Variants in NRXN3 observed in about 807,000 individuals in gnomAD.
NRXN3 encodes the protein neurexin 3.
In NRXN3, 32 loss-of-function variants were observed where a neutral mutation model predicts 137.6. The ratio of observed to expected loss-of-function variants is 0.23; its 90% CI spans 0.18 to 0.31. NRXN3 has a LOEUF of 0.31. Ranked by LOEUF, NRXN3 falls within the 10% of genes least tolerant of loss-of-function variation. The probability of loss-of-function intolerance (pLI) is 1.00; values close to 1 mark genes in which losing one functional copy is unlikely to be tolerated. For missense variants in NRXN3, 1,574 were observed against 2,062.5 expected (o/e 0.76, Z 4.59); for synonymous variants, 798 against 784.5 (o/e 1.02, Z -0.29).
In NRXN3 at chr14:78,243,644, C is replaced by T. The variant is rs372463110; in HGVS notation, c.551C>T (p.Ser184Leu). 1.9e-5 allele frequency: 30 copies of T among 1,598,312 alleles called. No individual in the cohort carries two copies. The highest frequency in any genetic ancestry group is 2.2e-5 in the East Asian group (1 of 44,874). ...GLILDLKYGN[S>L]EPRLLGSRGV... ...ATTCTGGATCTCAAGTATGGAAACT[C>T]GGAGCCTCGGCTTCTGGGGAGCCGG... Residue 184 changes from serine (S) to leucine (L), a missense_variant, in exon 2 of 21, where the codon TCG becomes TTG. By Grantham distance (145) the Ser-to-Leu change is moderately radical. Around this residue, in one of 5 missense-constraint regions of NRXN3, gnomAD observed 400 missense variants for 527.3 expected, o/e 0.76. Transcript: ENST00000335750. The surrounding 1 kb of genome is among the most constrained non-coding windows in gnomAD (Gnocchi z 4.2).
chr14:78,722,367 A>G (rs563359517), intron 8 of NRXN3, among the ~76,000 whole-genome samples: 145 of 152,192 alleles, frequency 9.5e-4, no homozygotes, highest in Non-Finnish European at 1.2e-3. Flanking sequence ...TGTGTGCTCA[A>G]AGCAGCTTAA....
In NRXN3 at chr14:78,213,254, T is replaced by C. The variant is rs554305691; in HGVS notation, c.-703-29137T>C. On this transcript the variant is annotated intron_variant, in intron 1 of 20. Transcript: ENST00000335750. ...AGGTTAGTGGGGATCATCTTAGTCCTCTTAGGAAGACTGATCTGAGATGGG... is the reference window on the plus strand; with the variant it reads ...AGGTTAGTGGGGATCATCTTAGTCCCCTTAGGAAGACTGATCTGAGATGGG... 9.0e-5 allele frequency among the ~76,000 whole-genome samples: 13 copies of C among 144,586 alleles called. No individual in the cohort carries two copies. In the Admixed American group the frequency reaches 9.1e-4, roughly 10 times the overall value. The allele number at this position is 144,586 out of a possible 152,430, so 94.9% of individuals were successfully genotyped here.
chr14:79,591,391 T>C (rs530729546), intron 16 of NRXN3, among the ~76,000 whole-genome samples: 1 of 152,354 alleles, frequency 6.6e-6, no homozygotes, highest in Non-Finnish European at 1.5e-5. Context: ...GTTAGGATTT[T>C]AAAAATTGTT....
intron 10 of NRXN3, among the ~76,000 whole-genome samples, chr14:78,845,628 G>A (rs2099024452): frequency 6.6e-6 from 1 of 151,880 alleles, no homozygotes; most frequent in African/African-American, 2.4e-5. Flanking sequence ...TGATGTGTAG[G>A]TGACAATTAG....
chr14:79,186,264 G>A (rs1454933138), intron 15 of NRXN3, among the ~76,000 whole-genome samples: 1 of 151,952 alleles, frequency 6.6e-6, no homozygotes, highest in East Asian at 1.9e-4. Context: ...AAAAAAAGGT[G>A]TTTCTTACTT....
chr14:78,935,390 T>C (rs1468838479), intron 10 of NRXN3, among the ~76,000 whole-genome samples: 2 of 152,182 alleles, frequency 1.3e-5, no homozygotes, highest in African/African-American at 2.4e-5. Context: ...TCCCTTGGTA[T>C]CTCCAGGGGA....
intron 19 of NRXN3, among the ~76,000 whole-genome samples, chr14:79,754,493 ACTCTCT>A (rs1272424692): frequency 1.0e-5 from 1 of 95,842 alleles, no homozygotes; most frequent in African/African-American, 3.7e-5. Context: ...ACTCACTCTC[ACTCTCT>A]CTTGATATAT....
intron 15 of NRXN3, among the ~76,000 whole-genome samples, chr14:79,244,403 A>G (rs893653607): frequency 6.6e-6 from 1 of 152,072 alleles, no homozygotes; most frequent in Admixed American, 6.6e-5. Context: ...TCTATCATTA[A>G]CCTGCCACAG....
intron 4 of NRXN3, among the ~76,000 whole-genome samples, chr14:78,567,276 G>A (rs1442412433): frequency 6.6e-6 from 1 of 152,216 alleles, no homozygotes; most frequent in African/African-American, 2.4e-5. Context: ...GCCCATTAAT[G>A]GGCAAGAGTA....
At chr14:78,381,390 G>A (rs931679427) in intron 4 of NRXN3, among the ~76,000 whole-genome samples, 9 of 152,042 alleles carry the variant, frequency 5.9e-5, no homozygotes, top group Admixed American at 2.0e-4. Context: ...ATCCAGCAAA[G>A]GATTATTATC....
At chr14:78,206,724 C>T (rs1007241907) in intron 1 of NRXN3, among the ~76,000 whole-genome samples, 3 of 152,188 alleles carry the variant, frequency 2.0e-5, no homozygotes, top group Middle Eastern at 3.4e-3. Context: ...TTCATGGTCC[C>T]GTTTCATAAC....
intron 4 of NRXN3, among the ~76,000 whole-genome samples, chr14:78,521,157 TG>T (rs2096278448): frequency 6.6e-6 from 1 of 152,198 alleles, no homozygotes; most frequent in Non-Finnish European, 1.5e-5. Flanking sequence ...TCTGTCTGTC[TG>T]TCTCTCTCTC....
At chr14:78,176,444 A>G (rs1201339246) in intron 1 of NRXN3, among the ~76,000 whole-genome samples, 1 of 150,232 alleles carries the variant, frequency 6.7e-6, no homozygotes, top group Non-Finnish European at 1.5e-5. Flanking sequence ...AATGCAGTAT[A>G]CTATTATTAC....
intron 4 of NRXN3, among the ~76,000 whole-genome samples, chr14:78,441,748 G>A (rs2094257228): frequency 1.3e-5 from 2 of 152,158 alleles, no homozygotes; most frequent in South Asian, 4.1e-4. Context: ...TGAGAAGATG[G>A]AGAGATCATC....
At chr14:79,490,448 T>A (rs941977252) in intron 16 of NRXN3, among the ~76,000 whole-genome samples, 2 of 151,986 alleles carry the variant, frequency 1.3e-5, no homozygotes, top group African/African-American at 2.4e-5. Context: ...ATAGAAAAAA[T>A]GTGGTACATA....
chr14:78,793,223 TC>T (rs1483732825), intron 8 of NRXN3, among the ~76,000 whole-genome samples: 8 of 151,224 alleles, frequency 5.3e-5, no homozygotes, highest in Non-Finnish European at 1.0e-4. Flanking sequence ...GAATCTATAC[TC>T]CCCCCAAAAA....
intron 2 of NRXN3, among the ~76,000 whole-genome samples, chr14:78,254,406 G>A (rs1449991138): frequency 1.3e-5 from 2 of 152,112 alleles, no homozygotes; most frequent in East Asian, 3.9e-4. Flanking sequence ...GGGGGCTGGG[G>A]ACGGTGGCTC....
chr14:79,006,749 G>A lies in NRXN3; in HGVS notation c.3262+18608G>A, dbSNP rs113996355. 6.2e-3 allele frequency among the ~76,000 whole-genome samples: 947 copies of A among 152,188 alleles called. 9 individuals carry two copies. The highest frequency in any genetic ancestry group is 0.022 in the African/African-American group (895 of 41,516). ...TATCATATTTATTCTATGATTTCCAGTGGAATGAACTGTTATGGTCTCCCT... is the reference window on the plus strand; with the variant it reads ...TATCATATTTATTCTATGATTTCCAATGGAATGAACTGTTATGGTCTCCCT... On this transcript the variant is annotated intron_variant, in intron 15 of 20. Transcript: ENST00000335750.
chr14:79,342,043 C>T (rs1260137774), intron 15 of NRXN3, among the ~76,000 whole-genome samples: 1 of 152,224 alleles, frequency 6.6e-6, no homozygotes, highest in Non-Finnish European at 1.5e-5. Flanking sequence ...AATGCATACT[C>T]TCACTTAAGC....
Sources: gnomAD v4.1 joint callset for allele counts (sites outside exome capture counted in the v4.1 genomes callset) on GRCh38, gnomAD v4.1.1 for gene constraint, gnomAD v4.1.1 regional missense constraint, Gnocchi (gnomAD v3.1) non-coding constraint, MANE v1.5 for transcripts, NCBI Gene and HGNC (gene_info 2026-07-23, HGNC 2026-07-21) for gene names.